Variants in CAMK2B observed in about 807,000 individuals in gnomAD.
CAMK2B encodes calcium/calmodulin dependent protein kinase II beta.
Under a neutral mutation model 93.7 loss-of-function variants are expected in CAMK2B, and 27 were observed. The observed-to-expected ratio is 0.29, with a 90% CI of 0.21 to 0.40. The LOEUF is 0.40. Among genes scored for constraint, CAMK2B ranks in the 10% least tolerant of loss-of-function variants. The probability of loss-of-function intolerance (pLI) is 1.00; values close to 1 mark genes in which losing one functional copy is unlikely to be tolerated. For synonymous variants in CAMK2B, 374 were observed against 358.8 expected, an observed-to-expected ratio of 1.04 and a Z score of -0.48; for missense variants, 568 against 895.8, an observed-to-expected ratio of 0.63 and a Z score of 4.67.
At chr7:44,277,967 C>A (rs1231485986) in intron 2 of CAMK2B, among the ~76,000 whole-genome samples, 1 of 152,238 alleles carries the variant, frequency 6.6e-6, no homozygotes, top group Admixed American at 6.5e-5. Flanking sequence ...GGGCCCAGCC[C>A]CTGGTTAGGA....
chr7:44,275,058 C>T (rs973598590), intron 2 of CAMK2B, among the ~76,000 whole-genome samples: 13 of 152,324 alleles, frequency 8.5e-5, no homozygotes, highest in Admixed American at 5.2e-4. Flanking sequence ...CACTGACAAG[C>T]CCCTGACCCT....
At chr7:44,222,107 G>A (rs1035035840) in intron 20 of CAMK2B, among the ~76,000 whole-genome samples, 3 of 151,962 alleles carry the variant, frequency 2.0e-5, no homozygotes, top group East Asian at 1.9e-4. Flanking sequence ...ACATGCACAC[G>A]CACGCTCACC....
intron 1 of CAMK2B, among the ~76,000 whole-genome samples, chr7:44,309,279 A>C (rs1284237022): frequency 6.6e-6 from 1 of 152,222 alleles, no homozygotes; most frequent in African/African-American, 2.4e-5. Context: ...GGCAGGGGTC[A>C]GCCCACCCAC....
chr7:44,278,877 C>T (rs1473984422), intron 2 of CAMK2B, among the ~76,000 whole-genome samples: 1 of 152,206 alleles, frequency 6.6e-6, no homozygotes, highest in Non-Finnish European at 1.5e-5. Flanking sequence ...GGGCCAGCTC[C>T]CTCATCAAGA....
chr7:44,256,415 T>C (rs1272218109), intron 4 of CAMK2B, among the ~76,000 whole-genome samples: 1 of 152,106 alleles, frequency 6.6e-6, no homozygotes, highest in Non-Finnish European at 1.5e-5. Context: ...TCATGTATAT[T>C]GTTTTGCATG....
intron 2 of CAMK2B, among the ~76,000 whole-genome samples, chr7:44,272,154 C>G (rs1200784515): frequency 6.6e-6 from 1 of 151,938 alleles, no homozygotes; most frequent in Non-Finnish European, 1.5e-5. Context: ...CAAGCCTGCT[C>G]TCCCTCTGGA....
intron 15 of CAMK2B, 129 bp from the exon 16 acceptor site, chr7:44,232,995 G>A (rs749002934): frequency 2.5e-6 from 2 of 793,010 alleles, no homozygotes; most frequent in South Asian, 3.0e-5. Context: ...AGAAAGAAGT[G>A]CAGAGCAGAG....
At chr7:44,265,986 C>T (rs561704421) in intron 2 of CAMK2B, among the ~76,000 whole-genome samples, 3 of 152,150 alleles carry the variant, frequency 2.0e-5, no homozygotes, top group Admixed American at 6.5e-5. Context: ...TTGTTTTATT[C>T]GTTAACTTCC....
chr7:44,235,986 C>CCAGCAG (rs56301509), intron 13 of CAMK2B, among the ~76,000 whole-genome samples: 4 of 151,828 alleles, frequency 2.6e-5, no homozygotes, highest in East Asian at 1.9e-4. Context: ...TCCCCCAACC[C>CCAGCAG]CAGCAGCAGC....
chr7:44,284,186 G>A lies in CAMK2B; in HGVS notation c.105C>T (p.Cys35=). The A allele has an allele frequency of 2.5e-6, 4 of 1,613,880 alleles. No homozygotes were observed. Among genetic ancestry groups the A allele is most frequent in the East Asian group, 2.2e-5 (1 of 44,894 alleles). Residue 35 remains cysteine, a synonymous_variant, in exon 2 of 24, where the codon TGC becomes TGT. Transcript: ENST00000395749. ...FSVVRRCVKL[C]TGHEYAAKII... ...TCTTGGCTGCATACTCATGGCCGGT[G>A]CAGAGCTTGACACAGCGTCGGACCA...
At chr7:44,260,811 A>G (rs1030413943) in intron 3 of CAMK2B, among the ~76,000 whole-genome samples, 1 of 152,040 alleles carries the variant, frequency 6.6e-6, no homozygotes, top group South Asian at 2.1e-4. Context: ...TCTCTGCCTC[A>G]GGCCCAGCAG....
At chr7:44,254,479 G>A (rs1376308594) in intron 5 of CAMK2B, 63 bp downstream of exon 5, 1 of 1,205,296 alleles carries the variant, frequency 8.3e-7, no homozygotes, top group Non-Finnish European at 1.2e-6. Context: ...AGGAGTGGGT[G>A]AAGGAGGGAT....
intron 1 of CAMK2B, among the ~76,000 whole-genome samples, chr7:44,289,269 G>A (rs967581252): frequency 1.3e-5 from 2 of 152,204 alleles, no homozygotes; most frequent in East Asian, 1.9e-4. Flanking sequence ...GTCGCACTGC[G>A]GCCCTCGCCA....
rs571421150 is a variant in CAMK2B at position 44,271,825 on chromosome 7, G to A, written c.161-8761C>T. Among the ~76,000 whole-genome samples the A allele has an allele frequency of 2.0e-5, 3 of 152,344 alleles. No homozygotes were observed. The South Asian group carries it at 6.2e-4, about 32-fold the overall frequency. On this transcript the variant is annotated intron_variant, in intron 2 of 23. Transcript: ENST00000395749. This position sits in a 1 kb window ranked among gnomAD's most constrained non-coding sequence, Gnocchi z 4.2. The stretch of plus-strand genomic sequence containing the variant: ...GTTTAGGGGCTGAAAGGAGGCCATG[G>A]GCAGGTCCCGGCCATTCCTCCTAAA...
chr7:44,239,971 G>A (rs78454627), intron 12 of CAMK2B, among the ~76,000 whole-genome samples: 3,102 of 152,308 alleles, frequency 0.02, 51 homozygotes, highest in Middle Eastern at 0.061. Context: ...GTGTGCACGC[G>A]TTCCCGGCAT....
chr7:44,284,377 G>A (rs938170668), intron 1 of CAMK2B, 152 bp from the exon 2 acceptor site: 2 of 634,504 alleles, frequency 3.2e-6, no homozygotes, highest in Non-Finnish European at 5.6e-6. Flanking sequence ...AAACTGTGAG[G>A]AAGTGGGTGC....
intron 16 of CAMK2B, among the ~76,000 whole-genome samples, chr7:44,232,449 G>A (rs988687596): frequency 5.3e-5 from 8 of 152,300 alleles, no homozygotes; most frequent in Middle Eastern, 3.4e-3. Flanking sequence ...TGGGGGCCAC[G>A]TGAGGGAGGT....
rs1410802837 is a variant in CAMK2B, at chr7:44,225,793, G to A, written c.1597+723C>T. 1 of 1,289,496 alleles carries A rather than the reference G, an allele frequency of 7.8e-7. No individual in the cohort carries two copies. Among genetic ancestry groups the A allele is most frequent in the Non-Finnish European group, 1.0e-6 (1 of 988,794 alleles). 79.9% of individuals were successfully genotyped at this position (1,289,496 alleles called of 1,614,324 possible). The stretch of plus-strand genomic sequence containing the variant: ...CACTGCCCTGCCATGCCGAGCCCGT[G>A]GCCCAGCAGCCTCTTCTCTAAGAGT... On this transcript the variant is annotated intron_variant, in intron 20 of 23. Transcript: ENST00000395749. This position sits in a 1 kb window ranked among gnomAD's most constrained non-coding sequence, Gnocchi z 5.0.
intron 1 of CAMK2B, among the ~76,000 whole-genome samples, chr7:44,295,451 A>T (rs933343930): frequency 5.3e-5 from 8 of 152,260 alleles, no homozygotes; most frequent in Admixed American, 5.2e-4. Context: ...AGTGTGCAGA[A>T]TCACAACTTA....
Sources: gnomAD v4.1 joint callset for allele counts (sites outside exome capture counted in the v4.1 genomes callset) on GRCh38, gnomAD v4.1.1 for gene constraint, Gnocchi (gnomAD v3.1) non-coding constraint, MANE v1.5 for transcripts, NCBI Gene and HGNC (gene_info 2026-07-23, HGNC 2026-07-21) for gene names.